The following ZFPM2 variants were observed in gnomAD, a reference collection of about 807,000 sequenced individuals.
ZFPM2 encodes the protein zinc finger protein ZFPM2.
A neutral mutation model predicts 98.6 loss-of-function variants in ZFPM2; 20 were observed. The ratio of observed to expected loss-of-function variants is 0.20; its 90% CI spans 0.14 to 0.29. The LOEUF is 0.29. Among genes scored for constraint, ZFPM2 ranks in the 10% least tolerant of loss-of-function variants. ZFPM2 has a pLI of 1.00. For missense variants in ZFPM2, 1,310 were observed against 1,388.6 expected (o/e 0.94, Z 0.90); for synonymous variants, 518 against 502.7 (o/e 1.03, Z -0.41).
chr8:105,371,368 A>G (rs1810619125), intron 1 of ZFPM2, among the ~76,000 whole-genome samples: 1 of 152,180 alleles, frequency 6.6e-6, no homozygotes, highest in South Asian at 2.1e-4. Context: ...AGATCTGTAC[A>G]CTTGGCTTTC....
At chr8:105,325,473 A>C (rs950045861) in intron 1 of ZFPM2, among the ~76,000 whole-genome samples, 1 of 151,788 alleles carries the variant, frequency 6.6e-6, no homozygotes, top group African/African-American at 2.4e-5. Flanking sequence ...TATTAGTATT[A>C]ATTAATCACC....
chr8:105,670,348 T>A (rs1817568622), intron 5 of ZFPM2, among the ~76,000 whole-genome samples: 1 of 151,830 alleles, frequency 6.6e-6, no homozygotes, highest in Non-Finnish European at 1.5e-5. Context: ...TGCAAAAAAT[T>A]AGCTGGGCGC....
chr8:105,618,216 A>T (rs1816460364), intron 4 of ZFPM2, among the ~76,000 whole-genome samples: 1 of 152,200 alleles, frequency 6.6e-6, no homozygotes, highest in Non-Finnish European at 1.5e-5. Flanking sequence ...ATTGATATTT[A>T]ACACAATTCC....
intron 5 of ZFPM2, among the ~76,000 whole-genome samples, chr8:105,717,854 C>G (rs1374314399): frequency 4.0e-5 from 6 of 151,370 alleles, no homozygotes; most frequent in Non-Finnish European, 8.8e-5. Flanking sequence ...TGTAGTATCC[C>G]CAAATTGTAG....
At chr8:105,691,259 T>TTTTTTTTTTTTTTTAAA in intron 5 of ZFPM2, among the ~76,000 whole-genome samples, 1 of 128,062 alleles carries the variant, frequency 7.8e-6, no homozygotes, top group South Asian at 2.7e-4. Flanking sequence ...TTTTTTTTTT[T>TTTTTTTTTTTTTTTAAA]GAGACGGAGT....
intron 4 of ZFPM2, among the ~76,000 whole-genome samples, chr8:105,583,208 A>G (rs1815640219): frequency 6.6e-6 from 1 of 152,000 alleles, no homozygotes; most frequent in Admixed American, 6.6e-5. Context: ...GAATATCTAT[A>G]TTTTTCACTT....
intron 1 of ZFPM2, among the ~76,000 whole-genome samples, chr8:105,368,553 A>C (rs1261810753): frequency 6.6e-6 from 1 of 152,182 alleles, no homozygotes; most frequent in Non-Finnish European, 1.5e-5. Flanking sequence ...AGAGAAACAA[A>C]GGTTTTTAAA....
At position 105,595,228 on chromosome 8, in the gene ZFPM2, C is replaced by G. The variant is rs80062778; in HGVS notation, c.420+33747C>G. Among the ~76,000 whole-genome samples the G allele has an allele frequency of 6.7e-4, 102 of 152,142 alleles. 1 individual carries two copies. The East Asian group carries it at 0.014, about 21-fold the overall frequency. ...GGTCTTTTTATTTATTGGTTCAGGA[C>G]CTAGGTCCAGGGAGGGTGTGCCTTA... On this transcript the variant is annotated intron_variant, in intron 4 of 7. Coordinates refer to ENST00000407775, the MANE Select transcript of ZFPM2 (RefSeq NM_012082.4).
chr8:105,670,107 T>C (rs1180595288), intron 5 of ZFPM2: 1 of 152,166 alleles, frequency 6.6e-6, no homozygotes, highest in Admixed American at 6.5e-5. Context: ...TTAAAAATAT[T>C]ATTTCATATG....
At chr8:105,565,940 G>A (rs540279351) in intron 4 of ZFPM2, among the ~76,000 whole-genome samples, 29 of 152,230 alleles carry the variant, frequency 1.9e-4, no homozygotes, top group African/African-American at 5.1e-4. Context: ...CAGTTATGAC[G>A]GCTGGGAAGT....
chr8:105,664,448 C>A (rs907827552), intron 5 of ZFPM2, among the ~76,000 whole-genome samples: 18 of 151,546 alleles, frequency 1.2e-4, no homozygotes, highest in African/African-American at 4.4e-4. Flanking sequence ...GATTCTCCTG[C>A]CTCAGTCTCC....
chr8:105,718,818 C>T (rs970997025), intron 5 of ZFPM2, among the ~76,000 whole-genome samples: 2 of 151,954 alleles, frequency 1.3e-5, no homozygotes, highest in Non-Finnish European at 1.5e-5. Flanking sequence ...ATGCAATCCC[C>T]GTGTCTCATT....
At chr8:105,384,639 A>G (rs1810949460) in intron 1 of ZFPM2, among the ~76,000 whole-genome samples, 1 of 152,096 alleles carries the variant, frequency 6.6e-6, no homozygotes, top group African/African-American at 2.4e-5. Flanking sequence ...AGTTGGGAAC[A>G]AACATTAACC....
chr8:105,603,783 C>T lies in ZFPM2; in HGVS notation c.421-30463C>T, dbSNP rs116802716. 1.8e-3 allele frequency among the ~76,000 whole-genome samples: 267 copies of T among 152,058 alleles called. 2 individuals carry two copies. The highest frequency in any genetic ancestry group is 6.2e-3 in the African/African-American group (259 of 41,508). On this transcript the variant is annotated intron_variant, in intron 4 of 7. Coordinates refer to ENST00000407775, the MANE Select transcript of ZFPM2 (RefSeq NM_012082.4). ...ATGAAAGCAGGTGGGGGTTCTTATC[C>T]TGCATAGTGATAACGCTTGATTTTA...
intron 5 of ZFPM2, chr8:105,787,251 A>G (rs1813439495): frequency 1.3e-5 from 2 of 152,364 alleles, no homozygotes; most frequent in South Asian, 2.1e-4. Flanking sequence ...AAATCAAAGC[A>G]AAATGAATCT....
intron 1 of ZFPM2, among the ~76,000 whole-genome samples, chr8:105,393,337 C>CCTTCCTTT (rs1491284455): frequency 8.7e-6 from 1 of 114,776 alleles, no homozygotes; most frequent in Non-Finnish European, 1.8e-5. Context: ...TCTCTCTTTG[C>CCTTCCTTT]CTTTCTTTCT....
At chr8:105,571,829 A>G (rs1815360793) in intron 4 of ZFPM2, among the ~76,000 whole-genome samples, 1 of 152,106 alleles carries the variant, frequency 6.6e-6, no homozygotes, top group South Asian at 2.1e-4. Flanking sequence ...TCTGGTTTTA[A>G]TCTAATTTTC....
chr8:105,696,154 A>T (rs1811012631), intron 5 of ZFPM2, among the ~76,000 whole-genome samples: 1 of 152,182 alleles, frequency 6.6e-6, no homozygotes, highest in African/African-American at 2.4e-5. Flanking sequence ...CAGTGAGAAG[A>T]TTAGGGATTC....
intron 4 of ZFPM2, among the ~76,000 whole-genome samples, chr8:105,574,976 T>C (rs2130729030): frequency 6.6e-6 from 1 of 152,108 alleles, no homozygotes; most frequent in Non-Finnish European, 1.5e-5. Flanking sequence ...ATTAAAGAAG[T>C]ACAGAAGTGG....
Sources: allele counts gnomAD v4.1 joint callset (sites outside exome capture counted in the v4.1 genomes callset), GRCh38; gene constraint gnomAD v4.1.1; transcripts MANE v1.5; gene names NCBI Gene and HGNC (gene_info 2026-07-23, HGNC 2026-07-21).